The following PLXNA4 variants were observed in gnomAD, a reference collection of about 807,000 sequenced individuals.
PLXNA4 encodes the protein plexin-A4.
PLXNA4 carries 44 observed loss-of-function variants against 191.8 expected under a neutral mutation model. That is an observed-to-expected ratio of 0.23 (90% CI 0.18 to 0.29). The LOEUF (loss-of-function observed/expected upper bound fraction) is 0.29, where lower values mean the gene tolerates loss of function less well. Ranked by LOEUF, PLXNA4 falls within the 10% of genes least tolerant of loss-of-function variation. PLXNA4 has a pLI of 1.00. For synonymous variants in PLXNA4, 1,082 were observed against 1,009.5 expected, an observed-to-expected ratio of 1.07 and a Z score of -1.36; for missense variants, 1,800 against 2,488.8, an observed-to-expected ratio of 0.72 and a Z score of 5.89.
intron 2 of PLXNA4, among the ~76,000 whole-genome samples, chr7:132,644,132 G>C (rs1803809171): frequency 6.6e-6 from 1 of 152,138 alleles, no homozygotes; most frequent in Non-Finnish European, 1.5e-5. Flanking sequence ...AGAGGAGTGA[G>C]TGAGCAAATG....
chr7:132,137,288 C>T (rs139515678), intron 30 of PLXNA4, among the ~76,000 whole-genome samples: 405 of 152,298 alleles, frequency 2.7e-3, no homozygotes, highest in Admixed American at 4.3e-3. Context: ...CTAGTCCAAA[C>T]CCCTGTGGCC....
intron 3 of PLXNA4, among the ~76,000 whole-genome samples, chr7:132,473,708 C>T (rs1264472712): frequency 6.6e-6 from 1 of 152,074 alleles, no homozygotes; most frequent in East Asian, 1.9e-4. Flanking sequence ...AGGGCCACTC[C>T]TGTGTCAGTT....
intron 3 of PLXNA4, among the ~76,000 whole-genome samples, chr7:132,405,881 G>T (rs1391524628): frequency 1.3e-5 from 2 of 152,280 alleles, no homozygotes; most frequent in African/African-American, 4.8e-5. Context: ...TCTTCCCCTT[G>T]CTACCTGTAA....
chr7:132,575,774 G>A (rs1231002389), intron 1 of PLXNA4, among the ~76,000 whole-genome samples: 2 of 152,228 alleles, frequency 1.3e-5, no homozygotes, highest in Non-Finnish European at 1.5e-5. Context: ...CGGGGAAGCA[G>A]TGCCACGCTT....
intron 3 of PLXNA4, among the ~76,000 whole-genome samples, chr7:132,373,807 CA>C (rs1420161685): frequency 1.3e-5 from 2 of 152,190 alleles, no homozygotes; most frequent in African/African-American, 4.8e-5. Flanking sequence ...GGGAAACTTT[CA>C]TGGGAGATAA....
intron 10 of PLXNA4, among the ~76,000 whole-genome samples, chr7:132,209,490 T>C (rs1797727614): frequency 6.6e-6 from 1 of 152,154 alleles, no homozygotes; most frequent in Middle Eastern, 3.2e-3. Flanking sequence ...CTCCTTTGCT[T>C]GCAGGTTTAA....
At chr7:132,586,464 A>G (rs1360230178) in intron 2 of PLXNA4, among the ~76,000 whole-genome samples, 1 of 152,124 alleles carries the variant, frequency 6.6e-6, no homozygotes, top group East Asian at 1.9e-4. Context: ...AATATATGGC[A>G]CTCAGGCCGG....
intron 10 of PLXNA4, among the ~76,000 whole-genome samples, chr7:132,204,773 C>T (rs1797556693): frequency 6.6e-6 from 1 of 152,176 alleles, no homozygotes; most frequent in Non-Finnish European, 1.5e-5. Context: ...TTTGTAGGAG[C>T]TTCTAAAGGA....
At position 132,508,211 on chromosome 7, in the gene PLXNA4, T is replaced by C. The variant is rs1043877141; in HGVS notation, c.483A>G (p.Ser161=). Residue 161 remains serine (S), a synonymous_variant, in exon 2 of 32, where the codon TCA becomes TCG. Transcript: ENST00000321063. This position sits in a 1 kb window ranked among gnomAD's most constrained non-coding sequence, Gnocchi z 4.4. ...EPYHKKEHYL[S]GVNESGSVFG... is the part of the protein sequence containing the mutation. Reference sequence around the variant, plus strand: ...AGACTGAGCCGCTCTCGTTGACACCTGACAGATAGTGCTCCTTCTTATGAT... The same window carrying C: ...AGACTGAGCCGCTCTCGTTGACACCCGACAGATAGTGCTCCTTCTTATGAT... 4.3e-6 allele frequency: 7 copies of C among 1,614,222 alleles called. No individual in the cohort carries two copies. The highest frequency in any genetic ancestry group is 5.9e-6 in the Non-Finnish European group (7 of 1,180,038).
At chr7:132,607,695 T>C (rs1802953205) in intron 2 of PLXNA4, among the ~76,000 whole-genome samples, 1 of 152,168 alleles carries the variant, frequency 6.6e-6, no homozygotes, top group African/African-American at 2.4e-5. Context: ...TAATTAGGCC[T>C]CTTGCATTCC....
intron 10 of PLXNA4, among the ~76,000 whole-genome samples, chr7:132,210,716 C>T (rs1797770614): frequency 6.6e-6 from 1 of 152,210 alleles, no homozygotes; most frequent in African/African-American, 2.4e-5. Context: ...CATCACAAAA[C>T]ATTTACAACT....
At chr7:132,378,002 A>C (rs1447812950) in intron 3 of PLXNA4, among the ~76,000 whole-genome samples, 1 of 152,100 alleles carries the variant, frequency 6.6e-6, no homozygotes, top group Non-Finnish European at 1.5e-5. Context: ...CTGACATAGC[A>C]CTGTTCCCCC....
At chr7:132,392,170 G>C (rs1009357710) in intron 3 of PLXNA4, among the ~76,000 whole-genome samples, 1 of 152,214 alleles carries the variant, frequency 6.6e-6, no homozygotes, top group East Asian at 1.9e-4. Flanking sequence ...GCACACATTG[G>C]TGTGCATGGG....
chr7:132,132,488 CTCTATTCTTTTCTAT>C (rs1448917756), intron 31 of PLXNA4, among the ~76,000 whole-genome samples: 17 of 84,502 alleles, frequency 2.0e-4, no homozygotes, highest in South Asian at 1.2e-3. Flanking sequence ...CTCTGCTCTG[CTCTATTCTTTTCTAT>C]TCTATTCTAT....
At position 132,547,393 on chromosome 7, in the gene PLXNA4, A is replaced by AC. The variant is rs985058708; in HGVS notation, c.-87+29028dup. On this transcript the variant is annotated intron_variant, in intron 1 of 31. Transcript: ENST00000321063. ...TCTATACAGTATGTTGCTTTCTTAA[A>AC]CCCCCCCACACCTACATCTCTGCTT... 7.9e-5 allele frequency among the ~76,000 whole-genome samples: 12 copies of AC among 151,634 alleles called. No homozygotes were observed. The East Asian group carries it at 1.5e-3, about 20-fold the overall frequency.
At chr7:132,641,084 A>T (rs1210655534) in intron 2 of PLXNA4, among the ~76,000 whole-genome samples, 2 of 152,208 alleles carry the variant, frequency 1.3e-5, no homozygotes, top group Non-Finnish European at 2.9e-5. Context: ...CAAGTTCTTG[A>T]CATTCATCAT....
intron 3 of PLXNA4, among the ~76,000 whole-genome samples, chr7:132,314,362 A>G (rs2116600492): frequency 6.6e-6 from 1 of 152,348 alleles, no homozygotes; most frequent in South Asian, 2.1e-4. Context: ...GACTTAAAAC[A>G]AAACGAAGCC....
At chr7:132,566,893 G>A (rs914698164) in intron 1 of PLXNA4, among the ~76,000 whole-genome samples, 2 of 152,142 alleles carry the variant, frequency 1.3e-5, no homozygotes, top group Non-Finnish European at 2.9e-5. Flanking sequence ...TCTGAAAGTT[G>A]GGGTCACAAG....
At chr7:132,359,750 ATG>A (rs1803861196) in intron 3 of PLXNA4, among the ~76,000 whole-genome samples, 1 of 152,216 alleles carries the variant, frequency 6.6e-6, no homozygotes, top group Non-Finnish European at 1.5e-5. Context: ...CTACGTGTGT[ATG>A]TCTGTGTCTT....
Sources: allele counts gnomAD v4.1 joint callset (sites outside exome capture counted in the v4.1 genomes callset), GRCh38; gene constraint gnomAD v4.1.1; non-coding constraint Gnocchi (gnomAD v3.1); transcripts MANE v1.5; gene names NCBI Gene and HGNC (gene_info 2026-07-23, HGNC 2026-07-21).